The following SGCZ variants were observed in gnomAD, a reference collection of about 807,000 sequenced individuals.
The protein encoded by SGCZ is sarcoglycan zeta, also known as zeta-sarcoglycan.
A neutral mutation model predicts 41.3 loss-of-function variants in SGCZ; 40 were observed. The ratio of observed to expected loss-of-function variants is 0.97; its 90% confidence interval spans 0.75 to 1.26. The LOEUF (loss-of-function observed/expected upper bound fraction) is 1.26, where lower values mean the gene tolerates loss of function less well. Among genes scored for constraint, SGCZ ranks in the 50% most tolerant of loss-of-function variants. The pLI, the probability that SGCZ is intolerant of heterozygous loss-of-function variation, is 0.00. For synonymous variants in SGCZ, 206 were observed against 137.5 expected (o/e 1.50, Z -3.49); for missense variants, 552 against 369.8 (o/e 1.49, Z -4.04).
At chr8:14,804,374 A>T (rs957585952) in intron 1 of SGCZ, among the ~76,000 whole-genome samples, 4 of 126,780 alleles carry the variant, frequency 3.2e-5, no homozygotes, top group Non-Finnish European at 6.7e-5. Context: ...CAATACAGAG[A>T]AGTGCTTAAA....
intron 2 of SGCZ, among the ~76,000 whole-genome samples, chr8:14,401,357 T>A (rs1213321542): frequency 1.3e-5 from 2 of 151,688 alleles, no homozygotes; most frequent in African/African-American, 4.8e-5. Flanking sequence ...TACATATGTA[T>A]ACATGTGCCA....
At chr8:14,143,243 C>G (rs1400869729) in intron 5 of SGCZ, among the ~76,000 whole-genome samples, 1 of 152,180 alleles carries the variant, frequency 6.6e-6, no homozygotes, top group Admixed American at 6.5e-5. Context: ...TGAGTTCTCT[C>G]TAAGATTGCA....
chr8:15,236,872 G>C (rs1174600075), intron 1 of SGCZ, among the ~76,000 whole-genome samples: 1 of 152,050 alleles, frequency 6.6e-6, no homozygotes, highest in Non-Finnish European at 1.5e-5. Context: ...CGGAGCCTCC[G>C]CAGATGCCGC....
intron 1 of SGCZ, among the ~76,000 whole-genome samples, chr8:15,195,468 C>G (rs552488724): frequency 6.6e-6 from 1 of 152,176 alleles, no homozygotes; most frequent in Non-Finnish European, 1.5e-5. Context: ...TCATGCCCAT[C>G]TCTCAGCTCT....
chr8:14,567,639 C>G (rs1804414533), intron 1 of SGCZ, among the ~76,000 whole-genome samples: 1 of 152,162 alleles, frequency 6.6e-6, no homozygotes, highest in African/African-American at 2.4e-5. Context: ...TCCCCTTCCA[C>G]AGTGTGGAGG....
intron 4 of SGCZ, among the ~76,000 whole-genome samples, chr8:14,178,914 G>A (rs1804635085): frequency 6.6e-6 from 1 of 152,168 alleles, no homozygotes; most frequent in African/African-American, 2.4e-5. Context: ...GTTACGACAT[G>A]AGGCATTGGT....
At position 14,512,582 on chromosome 8, in the gene SGCZ, C is replaced by T. The variant is rs74362021; in HGVS notation, c.234+42150G>A. Among the ~76,000 whole-genome samples, 1,435 of 152,020 alleles carry T rather than the reference C, an allele frequency of 9.4e-3. 26 individuals are homozygous for T. The highest frequency in any genetic ancestry group is 0.032 in the African/African-American group (1,333 of 41,476). ...CTCAAGTGATCTCCTGCCTCAGCCT[C>T]CAGAGTAACTAGGGCTACAGGTACA... On this transcript the variant is annotated intron_variant, in intron 2 of 7. Transcript: ENST00000382080.
chr8:14,171,066 T>C (rs932173931), intron 4 of SGCZ, among the ~76,000 whole-genome samples: 2 of 151,844 alleles, frequency 1.3e-5, no homozygotes, highest in South Asian at 2.1e-4. Context: ...AAGGTGGAAG[T>C]TGCAAACCCA....
At chr8:14,696,945 A>C (rs1157911310) in intron 1 of SGCZ, among the ~76,000 whole-genome samples, 1 of 142,332 alleles carries the variant, frequency 7.0e-6, no homozygotes, top group Non-Finnish European at 1.5e-5. Context: ...ATAATTAGGA[A>C]ATCTATGTTG....
At chr8:15,071,950 A>G (rs756273463) in intron 1 of SGCZ, among the ~76,000 whole-genome samples, 2 of 152,098 alleles carry the variant, frequency 1.3e-5, no homozygotes, top group Non-Finnish European at 2.9e-5. Flanking sequence ...CTTTCCGGAA[A>G]CTTGTCTGGG....
intron 2 of SGCZ, among the ~76,000 whole-genome samples, chr8:14,428,113 C>CAA (rs1799838947): frequency 9.2e-5 from 1 of 10,914 alleles, no homozygotes; most frequent in African/African-American, 1.7e-4. Context: ...CACACACACA[C>CAA]ACACACACAC....
At chr8:14,227,982 C>CAT (rs1806431578) in intron 4 of SGCZ, among the ~76,000 whole-genome samples, 4 of 152,036 alleles carry the variant, frequency 2.6e-5, no homozygotes, top group Admixed American at 6.6e-5. Context: ...TATTGTTGTG[C>CAT]AGTCATCTGG....
At chr8:15,138,618 T>C (rs1287261193) in intron 1 of SGCZ, among the ~76,000 whole-genome samples, 2 of 152,158 alleles carry the variant, frequency 1.3e-5, no homozygotes, top group African/African-American at 4.8e-5. Flanking sequence ...TGTCTGGCAT[T>C]TCCCTTGATT....
At chr8:14,184,646 G>A (rs1489247792) in intron 4 of SGCZ, among the ~76,000 whole-genome samples, 1 of 152,262 alleles carries the variant, frequency 6.6e-6, no homozygotes, top group East Asian at 1.9e-4. Context: ...CAAGCTATGG[G>A]TCCTCAAAAG....
At chr8:14,203,610 A>C (rs7842004) in intron 4 of SGCZ, among the ~76,000 whole-genome samples, 151,492 of 152,284 alleles carry the variant, frequency 0.99, 75,358 homozygotes, top group East Asian at 1. Context: ...GAGTCATTAC[A>C]ATGGAAGTGT....
At chr8:15,204,872 ATTCAG>A (rs1801010892) in intron 1 of SGCZ, among the ~76,000 whole-genome samples, 1 of 152,226 alleles carries the variant, frequency 6.6e-6, no homozygotes. Context: ...ATTATATACG[ATTCAG>A]TGCCAAATCC....
intron 2 of SGCZ, among the ~76,000 whole-genome samples, chr8:14,529,592 T>A (rs759948599): frequency 1.3e-5 from 2 of 152,144 alleles, no homozygotes; most frequent in African/African-American, 2.4e-5. Context: ...CATTTGGGTA[T>A]GCAATGGAGA....
intron 1 of SGCZ, among the ~76,000 whole-genome samples, chr8:15,085,205 C>G (rs1805904333): frequency 1.3e-5 from 2 of 152,088 alleles, no homozygotes; most frequent in South Asian, 4.1e-4. Flanking sequence ...CAACAAAATC[C>G]AAACCCTACT....
intron 1 of SGCZ, among the ~76,000 whole-genome samples, chr8:15,192,046 C>T (rs758395172): frequency 6.6e-6 from 1 of 152,050 alleles, no homozygotes; most frequent in Non-Finnish European, 1.5e-5. Flanking sequence ...TAATATTTAG[C>T]ACTTCATAAT....
Sources: gnomAD v4.1 joint callset for allele counts (sites outside exome capture counted in the v4.1 genomes callset) on GRCh38, gnomAD v4.1.1 for gene constraint, MANE v1.5 for transcripts, NCBI Gene and HGNC (gene_info 2026-07-23, HGNC 2026-07-21) for gene names.